Variants in VMAC observed in about 807,000 individuals in gnomAD.
The protein encoded by VMAC is vimentin type intermediate filament associated coiled-coil protein.
VMAC carries 8 observed loss-of-function variants against 4.8 expected under a neutral mutation model. The observed-to-expected ratio is 1.68, with a 90% CI of 0.99 to 3.03. The LOEUF (loss-of-function observed/expected upper bound fraction) is 3.03, where lower values mean the gene tolerates loss of function less well. Among genes scored for constraint, VMAC ranks in the 30% most tolerant of loss-of-function variants. The pLI is 0.00. For synonymous variants in VMAC, 96 were observed against 113.7 expected (o/e 0.84, Z 0.99); for missense variants, 248 against 245.1 (o/e 1.01, Z -0.08).
intron 1 of VMAC, among the ~76,000 whole-genome samples, chr19:5,906,054 G>A (rs933739926): frequency 4.6e-5 from 7 of 151,850 alleles, no homozygotes; most frequent in Non-Finnish European, 7.4e-5. Flanking sequence ...GTGCGATCTC[G>A]ACTCACTGCA....
chr19:5,908,775 G>A lies in VMAC; in HGVS notation c.192-49G>A, dbSNP rs149901869. 1.5e-4 allele frequency: 235 copies of A among 1,598,016 alleles called. No individual in the cohort carries two copies. In the African/African-American group the frequency reaches 2.5e-3, roughly 17 times the overall value. On this transcript the variant is annotated intron_variant, in intron 1 of 1. Transcript: ENST00000339485. This position sits in a 1 kb window ranked among gnomAD's most constrained non-coding sequence, Gnocchi z 4.5. ...GCGGGTCCAGAGCAGGGAGGAGCAG[G>A]TGCTGTGGTCCTCAGTTCTGTAATC...
rs763364463 is a variant in VMAC, at chr19:5,909,094, G to A, written c.462G>A (p.Glu154=). 6.4e-7 allele frequency: 1 copy of A among 1,555,870 alleles called. No individual in the cohort carries two copies. The change falls in exon 2 of 2, where the codon GAG becomes GAA. Residue 154 remains glutamate (E), a synonymous_variant. Transcript: ENST00000339485. Reference sequence around the variant, plus strand: ...CCCTTGACAACAGCACTGGGGAAGAGGCGGACAGGGACCACCTCCAGCCTG... The same window carrying A: ...CCCTTGACAACAGCACTGGGGAAGAAGCGGACAGGGACCACCTCCAGCCTG... ...GPPLDNSTGE[E]ADRDHLQPAV... is the part of the protein sequence containing the mutation.
In VMAC at chr19:5,908,717, G is replaced by A. The variant is rs562616900; in HGVS notation, c.192-107G>A. 13 of 1,091,314 alleles carry A rather than the reference G, an allele frequency of 1.2e-5. No individual in the cohort carries two copies. The highest frequency in any genetic ancestry group is 1.6e-5 in the African/African-American group (1 of 62,682). 67.6% of individuals were successfully genotyped at this position (1,091,314 alleles called of 1,614,324 possible). A position where few individuals can be genotyped will look rare whatever the true frequency, so the allele number is the denominator to read the frequency against. ...ACCCTGAGGCAGTGGTGAGGAATGC[G>A]GGCTTTATCCCAAAGGTGATGGGGA... is the stretch of plus-strand genomic sequence containing the variant. On this transcript the variant is annotated intron_variant, in intron 1 of 1. Transcript: ENST00000339485. This position sits in a 1 kb window ranked among gnomAD's most constrained non-coding sequence, Gnocchi z 4.5.
chr19:5,906,558 G>C (rs955213741), intron 1 of VMAC, among the ~76,000 whole-genome samples: 1 of 152,198 alleles, frequency 6.6e-6, no homozygotes, highest in African/African-American at 2.4e-5. Context: ...ATGTCACTGG[G>C]CAGTTACATC....
rs776259116 is a variant in VMAC at position 5,909,052 on chromosome 19, C to A, written c.420C>A (p.Pro140=). The part of the protein sequence containing the change: ...LPASDPGHPP[P]GGPGPPLDNS... ...CCAGTGACCCCGGCCACCCACCCCC[C>A]GGTGGGCCTGGTCCACCCCTTGACA... The change falls in exon 2 of 2, where the codon CCC becomes CCA. Residue 140 remains proline (P), a synonymous_variant. Transcript: ENST00000339485. 2 of 1,565,216 alleles carry A rather than the reference C, an allele frequency of 1.3e-6. No homozygotes were observed. Among genetic ancestry groups the A allele is most frequent in the East Asian group, 2.4e-5 (1 of 42,132 alleles).
intron 1 of VMAC, among the ~76,000 whole-genome samples, chr19:5,905,416 A>G (rs2144969408): frequency 6.6e-6 from 1 of 152,222 alleles, no homozygotes; most frequent in Admixed American, 6.5e-5. Context: ...TTTAACTTTT[A>G]AAATTTATTA....
At chr19:5,906,307 G>C (rs963508561) in intron 1 of VMAC, among the ~76,000 whole-genome samples, 2 of 152,208 alleles carry the variant, frequency 1.3e-5, no homozygotes, top group Non-Finnish European at 2.9e-5. Context: ...GACAGCTGAG[G>C]ATGAAAGAGA....
chr19:5,905,159 G>C, intron 1 of VMAC, 78 bp downstream of exon 1: 1 of 1,311,546 alleles, frequency 7.6e-7, no homozygotes, highest in South Asian at 2.0e-5. Flanking sequence ...AGCGAGGAAG[G>C]GCAGGGGGAA....
In VMAC at chr19:5,909,413, G is replaced by C; in HGVS notation, c.*271G>C. On this transcript the variant is annotated 3_prime_UTR_variant, in exon 2 of 2. Coordinates refer to ENST00000339485, the MANE Select transcript of VMAC (RefSeq NM_001017921.4). ...TGCAAACACAAAGATCTGGATTTCT[G>C]GCAAGACTTGGCCAAGCTTGCCTGG... 1 of 425,972 alleles carries C rather than the reference G, an allele frequency of 2.3e-6. No individual in the cohort carries two copies. The highest frequency in any genetic ancestry group is 3.8e-5 in the South Asian group (1 of 25,994). The allele number at this position is 425,972 out of a possible 1,614,324, so 26.4% of individuals were successfully genotyped here. A position where few individuals can be genotyped will look rare whatever the true frequency, so the allele number is the denominator to read the frequency against.
chr19:5,907,463 T>C (rs1254591141), intron 1 of VMAC, among the ~76,000 whole-genome samples: 1 of 151,342 alleles, frequency 6.6e-6, no homozygotes, highest in Non-Finnish European at 1.5e-5. Context: ...ATTCTCATGA[T>C]AGTGAGTGAG....
At position 5,908,978 on chromosome 19, in the gene VMAC, G is replaced by A; in HGVS notation, c.346G>A (p.Gly116Arg). 6.2e-7 allele frequency: 1 copy of A among 1,611,258 alleles called. No homozygotes were observed. Among genetic ancestry groups the A allele is most frequent in the South Asian group, 1.1e-5 (1 of 90,874 alleles). The change falls in exon 2 of 2, where the codon GGG becomes AGG. Residue 116 changes from glycine (G) to arginine (R), a missense_variant. Coordinates refer to ENST00000339485, the MANE Select transcript of VMAC (RefSeq NM_001017921.4). This position sits in a 1 kb window ranked among gnomAD's most constrained non-coding sequence, Gnocchi z 4.5. ...DICRRRPPLA[G>R]LLDALAEAER... ...CTGCCGCCGCCGGCCACCCCTGGCT[G>A]GGCTGCTGGATGCCCTGGCTGAGGC...
Position 5,904,994 on chromosome 19 carries a change from G to A in VMAC, c.104G>A (p.Arg35His). ...ELEARLDAAE[R>H]TVHAQAERLA... ...GAGGCGCGGCTGGACGCGGCGGAGC[G>A]CACGGTGCACGCCCAAGCCGAGCGC... Residue 35 changes from arginine (R) to histidine (H), a missense_variant, in exon 1 of 2, where the codon CGC becomes CAC. Physicochemically the swap from Arg to His is conservative, Grantham distance 29. Coordinates refer to ENST00000339485, the MANE Select transcript of VMAC (RefSeq NM_001017921.4). The A allele has an allele frequency of 6.8e-7, 1 of 1,461,648 alleles. No homozygotes were observed. The highest frequency in any genetic ancestry group is 2.6e-5 in the Admixed American group (1 of 38,426). 90.5% of individuals were successfully genotyped at this position (1,461,648 alleles called of 1,614,324 possible).
rs1209972640 is a variant in VMAC at position 5,908,287 on chromosome 19, C to T, written c.192-537C>T. ...CCTGGGAGGCAGAGGTTGCACTGAA[C>T]TCCAGCCTGGGCAACAGAGCGAGAC... On this transcript the variant is annotated intron_variant, in intron 1 of 1. Transcript: ENST00000339485. This position sits in a 1 kb window ranked among gnomAD's most constrained non-coding sequence, Gnocchi z 4.5. 6.6e-6 allele frequency among the ~76,000 whole-genome samples: 1 copy of T among 152,202 alleles called. No individual in the cohort carries two copies. Among genetic ancestry groups the T allele is most frequent in the African/African-American group, 2.4e-5 (1 of 41,448 alleles).
At position 5,909,873 on chromosome 19, in the gene VMAC, T is replaced by C. The variant is rs1469051929; in HGVS notation, c.*731T>C. On this transcript the variant is annotated 3_prime_UTR_variant, in exon 2 of 2. Transcript: ENST00000339485. ...TTTTGAACTCCTTGTTTCTGCGCTGTCCTTCTTAGCCCAGGACATTCAGGG... is the reference window on the plus strand; with the variant it reads ...TTTTGAACTCCTTGTTTCTGCGCTGCCCTTCTTAGCCCAGGACATTCAGGG... The C allele has an allele frequency of 6.6e-6, 1 of 152,242 alleles. No homozygotes were observed. The highest frequency in any genetic ancestry group is 1.5e-5 in the Non-Finnish European group (1 of 68,058). The allele number at this position is 152,242 out of a possible 1,614,324, so 9.4% of individuals were successfully genotyped here.
Position 5,905,062 on chromosome 19 carries a change from C to T in VMAC, c.172C>T (p.Leu58=). The T allele has an allele frequency of 7.3e-7, 1 of 1,362,484 alleles. No homozygotes were observed. The highest frequency in any genetic ancestry group is 9.4e-7 in the Non-Finnish European group (1 of 1,065,574). The allele number at this position is 1,362,484 out of a possible 1,614,324, so 84.4% of individuals were successfully genotyped here. The change falls in exon 1 of 2, where the codon CTG becomes TTG. Residue 58 remains leucine, a synonymous_variant. Transcript: ENST00000339485. ...GCAGCTGCGCGCCGCCCTAGACGAA[C>T]TGGGTCGCGCCAAGGACCGGTGAGG... is the stretch of plus-strand genomic sequence containing the variant. The part of the protein sequence containing the change: ...DQQLRAALDE[L]GRAKDREIAT...
At chr19:5,907,801 T>G (rs1206896436) in intron 1 of VMAC, among the ~76,000 whole-genome samples, 1 of 150,924 alleles carries the variant, frequency 6.6e-6, no homozygotes, top group African/African-American at 2.4e-5. Context: ...ATAAGGGAGA[T>G]CTGATGGTTT....
At position 5,908,734 on chromosome 19, in the gene VMAC, T is replaced by C. The variant is rs919942092; in HGVS notation, c.192-90T>C. ...AGGAATGCGGGCTTTATCCCAAAGG[T>C]GATGGGGAACCTCTTGCGGGTCCAG... is the stretch of plus-strand genomic sequence containing the variant. On this transcript the variant is annotated intron_variant, in intron 1 of 1. Coordinates refer to ENST00000339485, the MANE Select transcript of VMAC (RefSeq NM_001017921.4). This position sits in a 1 kb window ranked among gnomAD's most constrained non-coding sequence, Gnocchi z 4.5. 20 of 1,380,996 alleles carry C rather than the reference T, an allele frequency of 1.4e-5. No individual in the cohort carries two copies. The highest frequency in any genetic ancestry group is 2.9e-5 in the African/African-American group (2 of 68,574). 85.5% of individuals were successfully genotyped at this position (1,380,996 alleles called of 1,614,324 possible). A position where few individuals can be genotyped will look rare whatever the true frequency, so the allele number is the denominator to read the frequency against.
chr19:5,909,055 T>TG lies in VMAC; in HGVS notation c.426dup (p.Pro143AlafsTer6), dbSNP rs1237510454. 3.8e-6 allele frequency: 6 copies of TG among 1,563,940 alleles called. No homozygotes were observed. The highest frequency in any genetic ancestry group is 4.3e-6 in the Non-Finnish European group (5 of 1,157,358). Reference sequence around the variant, plus strand: ...GTGACCCCGGCCACCCACCCCCCGGTGGGCCTGGTCCACCCCTTGACAACA... The same window carrying TG: ...GTGACCCCGGCCACCCACCCCCCGGTGGGGCCTGGTCCACCCCTTGACAACA... On this transcript the variant is annotated frameshift_variant, in exon 2 of 2. Coordinates refer to ENST00000339485, the MANE Select transcript of VMAC (RefSeq NM_001017921.4). LOFTEE classifies it high-confidence loss of function.
chr19:5,907,912 G>C (rs886097033), intron 1 of VMAC, among the ~76,000 whole-genome samples: 1 of 152,164 alleles, frequency 6.6e-6, no homozygotes, highest in Non-Finnish European at 1.5e-5. Context: ...GCCACCCCCA[G>C]CCATGTGGAA....
Sources: allele counts gnomAD v4.1 joint callset (sites outside exome capture counted in the v4.1 genomes callset), GRCh38; gene constraint gnomAD v4.1.1; non-coding constraint Gnocchi (gnomAD v3.1); transcripts MANE v1.5; gene names NCBI Gene and HGNC (gene_info 2026-07-23, HGNC 2026-07-21).